The following PAQR7 variants were observed in gnomAD, a reference collection of about 807,000 sequenced individuals.
PAQR7 encodes the protein progestin and adipoQ receptor family member 7, also known as membrane progestin receptor alpha.
A neutral mutation model predicts 24.6 loss-of-function variants in PAQR7; 14 were observed. The ratio of observed to expected loss-of-function variants is 0.57; its 90% CI spans 0.38 to 0.89. The LOEUF (loss-of-function observed/expected upper bound fraction) is 0.89. PAQR7 is among the 40% of genes least tolerant of loss of function. The pLI, the probability that PAQR7 is intolerant of heterozygous loss-of-function variation, is 0.00. For missense variants in PAQR7, 351 were observed against 444.0 expected (o/e 0.79, Z 1.88); for synonymous variants, 189 against 198.8 (o/e 0.95, Z 0.42).
At position 25,862,695 on chromosome 1, in the gene PAQR7, G is replaced by T. The variant is rs1208651177; in HGVS notation, c.*104C>A. The T allele has an allele frequency of 8.2e-7, 1 of 1,220,814 alleles. No individual in the cohort carries two copies. Among genetic ancestry groups the T allele is most frequent in the African/African-American group, 1.5e-5 (1 of 66,092 alleles). The allele number at this position is 1,220,814 out of a possible 1,614,324, so 75.6% of individuals were successfully genotyped here. A position where few individuals can be genotyped will look rare whatever the true frequency, so the allele number is the denominator to read the frequency against. ...TGAGTCGTGCACAGAGAGTCACTGTGGGCCAGACACAAACAACTTTACCAG... is the reference window on the plus strand; with the variant it reads ...TGAGTCGTGCACAGAGAGTCACTGTTGGCCAGACACAAACAACTTTACCAG... On this transcript the variant is annotated 3_prime_UTR_variant, in exon 3 of 3. Coordinates refer to ENST00000675840, the MANE Select transcript of PAQR7 (RefSeq NM_178422.6).
chr1:25,865,472 C>CG (rs1365650106), intron 2 of PAQR7, among the ~76,000 whole-genome samples: 2 of 151,596 alleles, frequency 1.3e-5, no homozygotes, highest in Non-Finnish European at 2.9e-5. Flanking sequence ...GTCGGGAGGT[C>CG]GAGACCAGCC....
Position 25,862,715 on chromosome 1 carries a change from T to C in PAQR7, c.*84A>G, listed in dbSNP as rs1421074830. The stretch of plus-strand genomic sequence containing the variant: ...ACTGTGGGCCAGACACAAACAACTT[T>C]ACCAGGCCTTGTTCCCACCTGGAGC... On this transcript the variant is annotated 3_prime_UTR_variant, in exon 3 of 3. Transcript: ENST00000675840. 4 of 1,393,824 alleles carry C rather than the reference T, an allele frequency of 2.9e-6. No individual in the cohort carries two copies. Among genetic ancestry groups the C allele is most frequent in the Non-Finnish European group, 3.9e-6 (4 of 1,016,722 alleles). The allele number at this position is 1,393,824 out of a possible 1,614,324, so 86.3% of individuals were successfully genotyped here. A position where few individuals can be genotyped will look rare whatever the true frequency, so the allele number is the denominator to read the frequency against.
At chr1:25,871,092 G>C (rs2048602253) in intron 1 of PAQR7, 1 of 152,102 alleles carries the variant, frequency 6.6e-6, no homozygotes, top group African/African-American at 2.4e-5. Flanking sequence ...CATTAGATTT[G>C]GGGGCCTCAG....
chr1:25,869,568 TAA>T (rs60600055), intron 2 of PAQR7, among the ~76,000 whole-genome samples: 79,653 of 130,274 alleles, frequency 0.61, 24,237 homozygotes, highest in African/African-American at 0.74. Flanking sequence ...TGAGACTCTC[TAA>T]AAAAAAAAAA....
At chr1:25,870,136 A>G (rs1308828859) in intron 2 of PAQR7, among the ~76,000 whole-genome samples, 1 of 152,148 alleles carries the variant, frequency 6.6e-6, no homozygotes, top group Non-Finnish European at 1.5e-5. Context: ...ATGAGGATGG[A>G]TATCCGGAGG....
intron 2 of PAQR7, among the ~76,000 whole-genome samples, chr1:25,866,041 T>C (rs1368202973): frequency 6.6e-6 from 1 of 151,440 alleles, no homozygotes; most frequent in Admixed American, 6.6e-5. Flanking sequence ...TGATAACACT[T>C]CATATCTTTC....
At chr1:25,868,454 ATC>A (rs760405037) in intron 2 of PAQR7, among the ~76,000 whole-genome samples, 20 of 152,188 alleles carry the variant, frequency 1.3e-4, no homozygotes, top group Non-Finnish European at 2.1e-4. Context: ...CATGCCTGTA[ATC>A]CCAGCACTTT....
chr1:25,862,824 C>T lies in PAQR7; in HGVS notation c.1016G>A (p.Arg339His), dbSNP rs778016754. The T allele has an allele frequency of 6.8e-6, 11 of 1,613,762 alleles. No individual in the cohort carries two copies. The highest frequency in any genetic ancestry group is 1.7e-4 in the Middle Eastern group (1 of 6,058). The change falls in exon 3 of 3, where the codon CGC (arginine) becomes CAC (histidine). Residue 339 changes from arginine (R) to histidine (H), a missense_variant. Transcript: ENST00000675840. ...TAFLLSQLVQ[R>H]KLDQKTK The stretch of plus-strand genomic sequence containing the variant: ...TCACTTGGTCTTCTGATCAAGTTTG[C>T]GCTGTACCAGCTGGCTCAGGAGGAA...
rs147694393 is a variant in PAQR7 at position 25,863,649 on chromosome 1, G to A, written c.191C>T (p.Thr64Met). 4.9e-5 allele frequency: 79 copies of A among 1,614,050 alleles called. No homozygotes were observed. Among genetic ancestry groups the A allele is most frequent in the Non-Finnish European group, 5.2e-5 (61 of 1,180,026 alleles). Residue 64 changes from threonine (T) to methionine (M), a missense_variant, in exon 3 of 3, where the codon ACG becomes ATG. By Grantham distance (81) the Thr-to-Met change is moderately conservative. Coordinates refer to ENST00000675840, the MANE Select transcript of PAQR7 (RefSeq NM_178422.6). The surrounding 1 kb of genome is among the most constrained non-coding windows in gnomAD (Gnocchi z 6.1). The part of the protein sequence containing the change: ...LHQTWRFYFR[T>M]LFQQHNEAVN... Reference sequence around the variant, plus strand: ...GGCCTCGTTGTGCTGCTGGAACAGCGTGCGGAAATAGAAGCGCCAGGTCTG... The same window carrying A: ...GGCCTCGTTGTGCTGCTGGAACAGCATGCGGAAATAGAAGCGCCAGGTCTG...
At chr1:25,864,404 A>G (rs1191440294) in intron 2 of PAQR7, among the ~76,000 whole-genome samples, 2 of 152,078 alleles carry the variant, frequency 1.3e-5, no homozygotes, top group Non-Finnish European at 2.9e-5. Context: ...TACCCTCTCC[A>G]GTCTTGTTGC....
Position 25,874,495 on chromosome 1 carries a change from G to C in PAQR7, c.-109+993C>G, listed in dbSNP as rs182719594. Among the ~76,000 whole-genome samples, 202 of 152,302 alleles carry C rather than the reference G, an allele frequency of 1.3e-3. 2 individuals carry two copies. The South Asian group carries it at 0.037, about 28-fold the overall frequency. ...GAAAAAGGACCTGAGCTGCACTGCTGACCAGCAAGGAACCCTCTGGACAGA... is the reference window on the plus strand; with the variant it reads ...GAAAAAGGACCTGAGCTGCACTGCTCACCAGCAAGGAACCCTCTGGACAGA... On this transcript the variant is annotated intron_variant, in intron 1 of 2. Transcript: ENST00000675840.
intron 2 of PAQR7, among the ~76,000 whole-genome samples, chr1:25,867,106 G>C (rs1476475900): frequency 1.3e-5 from 2 of 152,172 alleles, no homozygotes; most frequent in African/African-American, 4.8e-5. Flanking sequence ...GCTCACTGCA[G>C]CCTTGACCTC....
Position 25,862,516 on chromosome 1 carries a change from A to C in PAQR7, c.*283T>G. 1 of 388,548 alleles carries C rather than the reference A, an allele frequency of 2.6e-6. No homozygotes were observed. The highest frequency in any genetic ancestry group is 4.7e-6 in the Non-Finnish European group (1 of 212,416). 24.1% of individuals were successfully genotyped at this position (388,548 alleles called of 1,614,324 possible). On this transcript the variant is annotated 3_prime_UTR_variant, in exon 3 of 3. Transcript: ENST00000675840. ...CCAAGCTGACCCCCAGCCTCACCCC[A>C]GTGAGTGGCAGTGGAAGGGCAAGCT...
At chr1:25,872,699 C>T (rs542038081) in intron 1 of PAQR7, among the ~76,000 whole-genome samples, 5 of 150,240 alleles carry the variant, frequency 3.3e-5, no homozygotes, top group African/African-American at 9.8e-5. Flanking sequence ...TGTGTAGAGA[C>T]GAGGTCTTGC....
In PAQR7 at chr1:25,861,943, G is replaced by C. The variant is rs1557460706; in HGVS notation, c.*856C>G. 1 of 146,748 alleles carries C rather than the reference G, an allele frequency of 6.8e-6. No individual in the cohort carries two copies. Among genetic ancestry groups the C allele is most frequent in the South Asian group, 2.1e-4 (1 of 4,664 alleles). The allele number at this position is 146,748 out of a possible 1,614,324, so 9.1% of individuals were successfully genotyped here. A position where few individuals can be genotyped will look rare whatever the true frequency, so the allele number is the denominator to read the frequency against. ...AGGCAGGAAAATCGCTTGAACCTGG[G>C]AGGCGGAGGTGCAGTGAGCCGAGAT... is the stretch of plus-strand genomic sequence containing the variant. On this transcript the variant is annotated 3_prime_UTR_variant, in exon 3 of 3. Transcript: ENST00000675840.
chr1:25,872,211 G>A (rs1361384958), intron 1 of PAQR7, among the ~76,000 whole-genome samples: 1 of 152,208 alleles, frequency 6.6e-6, no homozygotes, highest in Non-Finnish European at 1.5e-5. Flanking sequence ...TGTTGGCTCT[G>A]GCACAGTGCT....
In PAQR7 at chr1:25,863,719, G is replaced by A; in HGVS notation, c.121C>T (p.Leu41Phe). The change falls in exon 3 of 3, where the codon CTC (leucine) becomes TTC (phenylalanine). Residue 41 changes from leucine to phenylalanine, a missense_variant. Transcript: ENST00000675840. The surrounding 1 kb of genome is among the most constrained non-coding windows in gnomAD (Gnocchi z 6.1). Reference protein sequence around the residue: ...FTVDRAEVPPLFWKPYIYAGY... With the variant: ...FTVDRAEVPPFFWKPYIYAGY... Reference sequence around the variant, plus strand: ...GCATAGATGTACGGCTTCCAGAAGAGCGGCGGCACCTCAGCTCGATCCACC... The same window carrying A: ...GCATAGATGTACGGCTTCCAGAAGAACGGCGGCACCTCAGCTCGATCCACC... The A allele has an allele frequency of 1.2e-6, 2 of 1,614,144 alleles. No homozygotes were observed. Among genetic ancestry groups the A allele is most frequent in the Non-Finnish European group, 1.7e-6 (2 of 1,180,038 alleles).
chr1:25,873,977 G>T (rs757119407), intron 1 of PAQR7, among the ~76,000 whole-genome samples: 1 of 152,040 alleles, frequency 6.6e-6, no homozygotes, highest in Admixed American at 6.6e-5. Flanking sequence ...TCCGCCTCCC[G>T]GCTTCAAGCG....
At chr1:25,869,618 A>C (rs1171201987) in intron 2 of PAQR7, among the ~76,000 whole-genome samples, 1 of 151,434 alleles carries the variant, frequency 6.6e-6, no homozygotes, top group Admixed American at 6.6e-5. Context: ...CTCCTTACCC[A>C]AGGTTGGAGG....
Sources: gnomAD v4.1 joint callset for allele counts (sites outside exome capture counted in the v4.1 genomes callset) on GRCh38, gnomAD v4.1.1 for gene constraint, Gnocchi (gnomAD v3.1) non-coding constraint, MANE v1.5 for transcripts, NCBI Gene and HGNC (gene_info 2026-07-23, HGNC 2026-07-21) for gene names.